The following DIAPH2 variants were observed in gnomAD, a reference collection of about 807,000 sequenced individuals.
The protein encoded by DIAPH2 is protein diaphanous homolog 2.
In DIAPH2, 35 loss-of-function variants were observed where a neutral mutation model predicts 92.7. The observed-to-expected ratio is 0.38, with a 90% CI of 0.29 to 0.50. DIAPH2 has a LOEUF of 0.50. DIAPH2 is among the 20% of genes least tolerant of loss of function. DIAPH2 has a pLI of 0.94. For missense variants in DIAPH2, 701 were observed against 819.5 expected, an observed-to-expected ratio of 0.86 and a Z score of 1.77; for synonymous variants, 301 against 280.4, an observed-to-expected ratio of 1.07 and a Z score of -0.73.
chrX:96,742,214 C>A (rs1351031496), intron 3 of DIAPH2, among the ~76,000 whole-genome samples: 1 of 111,604 alleles, frequency 9.0e-6, no homozygotes, highest in Non-Finnish European at 1.9e-5. Context: ...ACAGTCAAAC[C>A]ATTAGAAAAT....
intron 23 of DIAPH2, among the ~76,000 whole-genome samples, chrX:97,264,906 C>A (rs768124856): frequency 5.9e-4 from 65 of 111,068 alleles, no homozygotes; most frequent in Non-Finnish European, 1.1e-3. Context: ...TTGCTTGAAC[C>A]CGGGAGGCGG....
chrX:97,487,978 G>GT (rs2070700696), intron 26 of DIAPH2, among the ~76,000 whole-genome samples: 1 of 111,493 alleles, frequency 9.0e-6, no homozygotes, highest in African/African-American at 3.3e-5. Flanking sequence ...GAGCTTTTTT[G>GT]TTTTTTATTT....
rs774601881 is a variant in DIAPH2, at chrX:97,300,931, TAAAAAAAAAAA to T, written c.2845-47161_2845-47151del. 5.7e-3 allele frequency among the ~76,000 whole-genome samples: 62 copies of T among 10,791 alleles called. 1 individual carries two copies. Among genetic ancestry groups the T allele is most frequent in the African/African-American group, 0.017 (56 of 3,351 alleles). The allele number at this position is 10,791 out of a possible 115,157, so 9.4% of individuals were successfully genotyped here. ...TGGGCCACAGAGCAAGACTCCGTCTTAAAAAAAAAAAAAAAAAAAAAAAAAAAAAAAAAAGA... is the reference window on the plus strand; with the variant it reads ...TGGGCCACAGAGCAAGACTCCGTCTTAAAAAAAAAAAAAAAAAAAAAAAGA... On this transcript the variant is annotated intron_variant, in intron 23 of 26. Transcript: ENST00000324765.
At chrX:96,990,144 A>G (rs938161971) in intron 17 of DIAPH2, among the ~76,000 whole-genome samples, 14 of 112,202 alleles carry the variant, frequency 1.2e-4, no homozygotes, top group African/African-American at 3.9e-4. Flanking sequence ...GAAAATGTCA[A>G]CCTCACCCTA....
At chrX:97,246,165 C>T (rs894072501) in intron 22 of DIAPH2, among the ~76,000 whole-genome samples, 3 of 109,319 alleles carry the variant, frequency 2.7e-5, no homozygotes, top group African/African-American at 1.0e-4. Flanking sequence ...CCGCCCACCT[C>T]AGCCTCCCAA....
At chrX:97,149,878 C>T (rs2067274235) in intron 22 of DIAPH2, among the ~76,000 whole-genome samples, 1 of 110,562 alleles carries the variant, frequency 9.0e-6, no homozygotes, top group Non-Finnish European at 1.9e-5. Context: ...TATTTATCTA[C>T]ATAAATTTTC....
chrX:97,103,899 A>G (rs1193114476), intron 20 of DIAPH2, among the ~76,000 whole-genome samples: 1 of 110,951 alleles, frequency 9.0e-6, no homozygotes, highest in East Asian at 2.9e-4. Flanking sequence ...TGAACTTACC[A>G]TGTTCTTTCC....
At chrX:97,456,842 TTA>T (rs1314145999) in intron 26 of DIAPH2, among the ~76,000 whole-genome samples, 4 of 111,850 alleles carry the variant, frequency 3.6e-5, no homozygotes, top group African/African-American at 9.7e-5. Context: ...CTCTCAGACA[TTA>T]TGTTTTTTTC....
intron 17 of DIAPH2, among the ~76,000 whole-genome samples, chrX:97,010,495 G>A (rs2066217318): frequency 9.0e-6 from 1 of 111,704 alleles, no homozygotes; most frequent in African/African-American, 3.3e-5. Context: ...GTGGATGGTT[G>A]TTCAATTTGG....
chrX:96,729,420 C>T (rs1419353550), intron 1 of DIAPH2, among the ~76,000 whole-genome samples: 2 of 111,930 alleles, frequency 1.8e-5, no homozygotes. Context: ...TTCTTAAAGA[C>T]CTAAGTGGCA....
intron 19 of DIAPH2, among the ~76,000 whole-genome samples, chrX:97,091,925 T>C (rs1192795326): frequency 8.9e-6 from 1 of 111,872 alleles, no homozygotes; most frequent in African/African-American, 3.3e-5. Context: ...TTTAGAAGTT[T>C]CCAGCAGAGA....
intron 24 of DIAPH2, among the ~76,000 whole-genome samples, chrX:97,377,372 A>C (rs1569378903): frequency 8.9e-6 from 1 of 112,164 alleles, no homozygotes; most frequent in African/African-American, 3.2e-5. Context: ...CTGGTAATGC[A>C]GTAGGTTTGT....
chrX:97,455,816 C>T (rs1346111422), intron 26 of DIAPH2, among the ~76,000 whole-genome samples: 4 of 112,207 alleles, frequency 3.6e-5, no homozygotes, highest in Non-Finnish European at 5.6e-5. Context: ...TAGCAGTCTC[C>T]TTGTTCATTG....
chrX:97,308,009 G>C (rs1307578812), intron 23 of DIAPH2, among the ~76,000 whole-genome samples: 1 of 110,461 alleles, frequency 9.1e-6, no homozygotes, highest in Non-Finnish European at 1.9e-5. Context: ...TACTGAGTAT[G>C]TTTGCCATTT....
In DIAPH2 at chrX:96,939,320, T is replaced by C; in HGVS notation, c.1263T>C (p.Ala421=). The change falls in exon 12 of 27, where the codon GCT becomes GCC. Residue 421 remains alanine, a synonymous_variant. Coordinates refer to ENST00000324765, the MANE Select transcript of DIAPH2 (RefSeq NM_006729.5). ...LLYNMLKDTA[A]ENYFLSILQH... ...ATAATATGCTGAAGGACACTGCTGC[T>C]GAAAATTACTTCTTATCTATTCTAC... 3.5e-6 allele frequency: 4 copies of C among 1,157,533 alleles called. No individual in the cohort carries two copies. The highest frequency in any genetic ancestry group is 4.7e-6 in the Non-Finnish European group (4 of 853,979).
rs142788305 is a variant in DIAPH2, at chrX:97,043,301, C to T, written c.2051-29640C>T. ...GATTTGATGACTTTTTCAAAACTCC[C>T]CTTTACTGCTTCACCTGAGTAATGT... On this transcript the variant is annotated intron_variant, in intron 17 of 26. Coordinates refer to ENST00000324765, the MANE Select transcript of DIAPH2 (RefSeq NM_006729.5). 4.7e-3 allele frequency among the ~76,000 whole-genome samples: 526 copies of T among 111,048 alleles called. 6 individuals are homozygous for T. Among genetic ancestry groups the T allele is most frequent in the African/African-American group, 0.017 (508 of 30,709 alleles).
chrX:97,185,466 TA>T (rs771288913), intron 22 of DIAPH2, among the ~76,000 whole-genome samples: 891 of 37,478 alleles, frequency 0.024, 56 homozygotes, highest in Non-Finnish European at 0.031. Context: ...TATATATATA[TA>T]TATACACATA....
chrX:96,747,449 A>G (rs1379603882), intron 3 of DIAPH2, among the ~76,000 whole-genome samples: 5 of 112,417 alleles, frequency 4.4e-5, no homozygotes, highest in Non-Finnish European at 9.4e-5. Context: ...ATATGATTAT[A>G]CATGCAAATT....
intron 26 of DIAPH2, among the ~76,000 whole-genome samples, chrX:97,464,173 G>A (rs1281200557): frequency 9.3e-6 from 1 of 107,995 alleles, no homozygotes; most frequent in Non-Finnish European, 1.9e-5. Flanking sequence ...AGAAATATAA[G>A]TTGCTCTCAG....
Sources: allele counts gnomAD v4.1 joint callset (sites outside exome capture counted in the v4.1 genomes callset), GRCh38; gene constraint gnomAD v4.1.1; transcripts MANE v1.5; gene names NCBI Gene and HGNC (gene_info 2026-07-23, HGNC 2026-07-21).